PHF2: variants seen among roughly 807,000 people sequenced by gnomAD.
The protein encoded by PHF2 is PHD finger protein 2, also known as lysine-specific demethylase PHF2.
In PHF2, 27 loss-of-function variants were observed where a neutral mutation model predicts 120.5. The observed-to-expected ratio is 0.22, with a 90% CI of 0.17 to 0.31. PHF2 has a LOEUF of 0.31. Ranked by LOEUF, PHF2 falls within the 10% of genes least tolerant of loss-of-function variation. The pLI, the probability that PHF2 is intolerant of heterozygous loss-of-function variation, is 1.00. For synonymous variants in PHF2, 568 were observed against 592.5 expected, an observed-to-expected ratio of 0.96 and a Z score of 0.60; for missense variants, 1,024 against 1,434.8, an observed-to-expected ratio of 0.71 and a Z score of 4.63.
intron 4 of PHF2, among the ~76,000 whole-genome samples, chr9:93,648,111 T>G (rs914150766): frequency 2.3e-5 from 2 of 85,720 alleles, no homozygotes; most frequent in African/African-American, 9.5e-5. Context: ...GACCCCCACA[T>G]TGCATTTTTT....
rs1826881319 is a variant in PHF2 at position 93,674,949 on chromosome 9, T to G, written c.2649T>G (p.Asp883Glu). The G allele has an allele frequency of 6.2e-7, 1 of 1,613,750 alleles. No homozygotes were observed. The highest frequency in any genetic ancestry group is 8.5e-7 in the Non-Finnish European group (1 of 1,179,930). ...TAGTTTACCCCTCACTGGAGTCAGA[T>G]GAAGACAACCCCATCTTTAAGTCCC... The part of the protein sequence containing the change: ...SDYVYPSLES[D>E]EDNPIFKSRS... The change falls in exon 19 of 22, where the codon GAT (aspartate) becomes GAG (glutamate). Residue 883 changes from aspartate (D) to glutamate (E), a missense_variant. Transcript: ENST00000359246.
At chr9:93,672,177 C>T (rs1319961786) in intron 17 of PHF2, among the ~76,000 whole-genome samples, 1 of 127,406 alleles carries the variant, frequency 7.8e-6, no homozygotes, top group Non-Finnish European at 1.6e-5. Context: ...GATGTAGGTA[C>T]AGGTGTAGAT....
At position 93,656,466 on chromosome 9, in the gene PHF2, A is replaced by G. The variant is rs1159846944; in HGVS notation, c.1041-23A>G. On this transcript the variant is annotated intron_variant, in intron 8 of 21. Coordinates refer to ENST00000359246, the MANE Select transcript of PHF2 (RefSeq NM_005392.4). The surrounding 1 kb of genome is among the most constrained non-coding windows in gnomAD (Gnocchi z 4.1). ...CCTGCTTGATGGTCAGTGCACTGAG[A>G]ACTGCTCTTTGGTGGCTTCTAGAGC... The G allele has an allele frequency of 3.9e-6, 6 of 1,553,440 alleles. No homozygotes were observed. The highest frequency in any genetic ancestry group is 4.4e-6 in the Non-Finnish European group (5 of 1,125,320).
At chr9:93,655,814 G>C in intron 7 of PHF2, 120 bp from the exon 8 acceptor site, 5 of 687,630 alleles carry the variant, frequency 7.3e-6, no homozygotes. Context: ...GGCAGGAGCT[G>C]GAGCCTGGGC....
chr9:93,676,716 T>TACCACCCCTGCCTCC lies in PHF2; in HGVS notation c.2963_2964insTGCCTCCACCACCCC (p.Thr992_Thr996dup), dbSNP rs1554800840. ...CCTCCACCTCCACCACGCCAGCCTC[T>TACCACCCCTGCCTCC]ACCACCCCGGCCTCCACCACCCCGG... On this transcript the variant is annotated inframe_insertion, in exon 21 of 22. Coordinates refer to ENST00000359246, the MANE Select transcript of PHF2 (RefSeq NM_005392.4). The TACCACCCCTGCCTCC allele has an allele frequency of 0.01, 5,247 of 515,902 alleles. 65 individuals carry two copies. The highest frequency in any genetic ancestry group is 0.03 in the South Asian group (1,780 of 59,134). The allele number at this position is 515,902 out of a possible 1,614,324, so 32.0% of individuals were successfully genotyped here. A position where few individuals can be genotyped will look rare whatever the true frequency, so the allele number is the denominator to read the frequency against.
intron 1 of PHF2, 46 bp downstream of exon 1, chr9:93,576,917 A>T: frequency 1.2e-6 from 1 of 850,992 alleles, no homozygotes; most frequent in Non-Finnish European, 1.4e-6. Flanking sequence ...CGGCCCGGCC[A>T]CCTTGCCCGA....
At chr9:93,621,300 G>A (rs543852693) in intron 1 of PHF2, among the ~76,000 whole-genome samples, 1 of 152,326 alleles carries the variant, frequency 6.6e-6, no homozygotes, top group East Asian at 1.9e-4. Context: ...TGAGGCCTTT[G>A]GTTCTCTGAG....
In PHF2 at chr9:93,678,708, A is replaced by G. The variant is rs1826967425; in HGVS notation, c.*1032A>G. On this transcript the variant is annotated 3_prime_UTR_variant, in exon 22 of 22. Transcript: ENST00000359246. ...TTTCCTGAAGCATATTTTTCATAGAATGTAGCGTGTAAATAGCTTTTTAAA... is the reference window on the plus strand; with the variant it reads ...TTTCCTGAAGCATATTTTTCATAGAGTGTAGCGTGTAAATAGCTTTTTAAA... 1 of 152,698 alleles carries G rather than the reference A, an allele frequency of 6.5e-6. No homozygotes were observed. The highest frequency in any genetic ancestry group is 1.5e-5 in the Non-Finnish European group (1 of 68,144). The allele number at this position is 152,698 out of a possible 1,614,324, so 9.5% of individuals were successfully genotyped here.
At chr9:93,666,149 C>T in intron 16 of PHF2, 89 bp downstream of exon 16, 2 of 1,386,688 alleles carry the variant, frequency 1.4e-6, no homozygotes, top group Admixed American at 3.7e-5. Flanking sequence ...AGGGCGGTCT[C>T]TGGGGGTGTT....
At chr9:93,608,215 C>A (rs117503188) in intron 1 of PHF2, among the ~76,000 whole-genome samples, 1 of 151,880 alleles carries the variant, frequency 6.6e-6, no homozygotes, top group African/African-American at 2.4e-5. Flanking sequence ...CCTAGCTACT[C>A]GGGAGGCTAA....
chr9:93,617,624 T>C (rs1331681135), intron 1 of PHF2, among the ~76,000 whole-genome samples: 1 of 152,196 alleles, frequency 6.6e-6, no homozygotes, highest in Admixed American at 6.5e-5. Context: ...GTTAGGGTTC[T>C]CTAGAGGGAC....
At chr9:93,642,166 G>A (rs1183735682) in intron 3 of PHF2, among the ~76,000 whole-genome samples, 4 of 152,140 alleles carry the variant, frequency 2.6e-5, no homozygotes, top group Admixed American at 2.6e-4. Flanking sequence ...CAGTACCACC[G>A]TCTTGACTGT....
chr9:93,649,448 C>T (rs1040427065), intron 5 of PHF2, among the ~76,000 whole-genome samples: 8 of 136,566 alleles, frequency 5.9e-5, no homozygotes, highest in Non-Finnish European at 7.6e-5. Flanking sequence ...ATGAAGGTGA[C>T]GTATTGAGAA....
At chr9:93,623,944 T>G (rs77922475) in intron 1 of PHF2, among the ~76,000 whole-genome samples, 2 of 152,254 alleles carry the variant, frequency 1.3e-5, no homozygotes, top group Admixed American at 1.3e-4. Context: ...GCACTAGCAG[T>G]AACAGCTCAC....
intron 16 of PHF2, among the ~76,000 whole-genome samples, chr9:93,666,548 G>A (rs1391875263): frequency 6.6e-6 from 1 of 152,244 alleles, no homozygotes; most frequent in Non-Finnish European, 1.5e-5. Context: ...TGCCCTGTGT[G>A]TCCGTGTGTT....
intron 13 of PHF2, 114 bp from the exon 14 acceptor site, chr9:93,663,403 G>T: frequency 1.4e-6 from 1 of 733,426 alleles, no homozygotes; most frequent in Non-Finnish European, 2.4e-6. Flanking sequence ...AGAGCTATGG[G>T]TGACTTTCCT....
intron 17 of PHF2, among the ~76,000 whole-genome samples, chr9:93,668,777 C>T (rs1302621567): frequency 4.6e-5 from 7 of 152,212 alleles, no homozygotes; most frequent in African/African-American, 1.2e-4. Context: ...TAGCCCGTGC[C>T]TCGGAGCAGT....
chr9:93,663,467 C>T (rs1371428409), intron 13 of PHF2, 50 bp from the exon 14 acceptor site: 3 of 1,128,578 alleles, frequency 2.7e-6, no homozygotes, highest in Non-Finnish European at 3.9e-6. Flanking sequence ...GGGGTCCTGA[C>T]CCCCCACTTC....
chr9:93,595,355 C>A (rs1463904775), intron 1 of PHF2, among the ~76,000 whole-genome samples: 2 of 152,202 alleles, frequency 1.3e-5, no homozygotes. Context: ...CAGATACTTA[C>A]AGATACTCTT....
Sources: allele counts gnomAD v4.1 joint callset (sites outside exome capture counted in the v4.1 genomes callset), GRCh38; gene constraint gnomAD v4.1.1; non-coding constraint Gnocchi (gnomAD v3.1); transcripts MANE v1.5; gene names NCBI Gene and HGNC (gene_info 2026-07-23, HGNC 2026-07-21).